ZMAT4: variants seen among roughly 807,000 people sequenced by gnomAD.
The protein encoded by ZMAT4 is zinc finger matrin-type 4, also known as zinc finger matrin-type protein 4.
A neutral mutation model predicts 28.7 loss-of-function variants in ZMAT4; 17 were observed. The observed-to-expected ratio is 0.59, with a 90% CI of 0.41 to 0.89. The LOEUF (loss-of-function observed/expected upper bound fraction) is 0.89, where lower values mean the gene tolerates loss of function less well. ZMAT4 is among the 40% of genes least tolerant of loss of function. The pLI is 0.00. For synonymous variants in ZMAT4, 117 were observed against 109.2 expected, an observed-to-expected ratio of 1.07 and a Z score of -0.44; for missense variants, 240 against 283.8, an observed-to-expected ratio of 0.85 and a Z score of 1.11.
chr8:40,707,080 T>A (rs1463536734), intron 3 of ZMAT4, among the ~76,000 whole-genome samples: 1 of 152,094 alleles, frequency 6.6e-6, no homozygotes, highest in Non-Finnish European at 1.5e-5. Flanking sequence ...CATGGTTCAC[T>A]CCAACTAGAA....
chr8:40,678,215 G>A (rs1015048544), intron 4 of ZMAT4, among the ~76,000 whole-genome samples: 2 of 152,168 alleles, frequency 1.3e-5, no homozygotes, highest in Non-Finnish European at 2.9e-5. Context: ...TTTTGCTGTA[G>A]GCAATAGCCA....
chr8:40,724,136 G>C (rs1811225335), intron 3 of ZMAT4, among the ~76,000 whole-genome samples: 1 of 152,026 alleles, frequency 6.6e-6, no homozygotes, highest in Non-Finnish European at 1.5e-5. Flanking sequence ...ACGTTCCCCA[G>C]TGTTCTCATT....
chr8:40,701,580 C>A (rs59742694), intron 3 of ZMAT4, among the ~76,000 whole-genome samples: 21,937 of 139,304 alleles, frequency 0.16, 2,392 homozygotes, highest in East Asian at 0.37. Flanking sequence ...TGCAGTGTCA[C>A]GATCTCGGCT....
chr8:40,714,438 AAGC>A (rs1446460569), intron 3 of ZMAT4, among the ~76,000 whole-genome samples: 1 of 152,200 alleles, frequency 6.6e-6, no homozygotes, highest in Non-Finnish European at 1.5e-5. Flanking sequence ...CATTAGGAAA[AAGC>A]TATTATTGGA....
At chr8:40,713,941 A>G (rs1289752898) in intron 3 of ZMAT4, among the ~76,000 whole-genome samples, 1 of 149,096 alleles carries the variant, frequency 6.7e-6, no homozygotes, top group Admixed American at 6.7e-5. Flanking sequence ...AAAAAAAAAG[A>G]AAAAGAAAAA....
chr8:40,831,826 G>A (rs1228934844), intron 1 of ZMAT4, among the ~76,000 whole-genome samples: 2 of 152,162 alleles, frequency 1.3e-5, no homozygotes, highest in African/African-American at 4.8e-5. Context: ...GATCCCAACA[G>A]GACCTGGCCC....
chr8:40,610,519 C>T (rs1354936871), intron 5 of ZMAT4, among the ~76,000 whole-genome samples: 5 of 151,546 alleles, frequency 3.3e-5, no homozygotes, highest in Non-Finnish European at 7.4e-5. Flanking sequence ...TATATATTTT[C>T]ATTTCATTTG....
intron 5 of ZMAT4, among the ~76,000 whole-genome samples, chr8:40,587,683 G>A (rs1054940461): frequency 1.3e-5 from 2 of 151,628 alleles, no homozygotes; most frequent in African/African-American, 4.8e-5. Context: ...GCCAAAATAA[G>A]GCAGAAAAGA....
chr8:40,762,787 G>A (rs78566988), intron 3 of ZMAT4, among the ~76,000 whole-genome samples: 2,090 of 152,340 alleles, frequency 0.014, 29 homozygotes, highest in Non-Finnish European at 0.021. Flanking sequence ...TCCAGAGGAA[G>A]GCCCTGCCCA....
chr8:40,761,127 A>G (rs1305614560), intron 3 of ZMAT4, among the ~76,000 whole-genome samples: 2 of 152,180 alleles, frequency 1.3e-5, no homozygotes, highest in South Asian at 4.1e-4. Context: ...AACATATGTC[A>G]TATAGTACTT....
At chr8:40,624,841 C>T (rs1215739770) in intron 5 of ZMAT4, among the ~76,000 whole-genome samples, 2 of 152,322 alleles carry the variant, frequency 1.3e-5, no homozygotes, top group Non-Finnish European at 2.9e-5. Flanking sequence ...GGCACTGATC[C>T]AGCCACTGAG....
intron 4 of ZMAT4, among the ~76,000 whole-genome samples, chr8:40,676,411 T>TA (rs1347003819): frequency 6.6e-6 from 1 of 152,154 alleles, no homozygotes; most frequent in Non-Finnish European, 1.5e-5. Context: ...CCTAAAGCAG[T>TA]ATAGCAGCAT....
chr8:40,756,595 C>T (rs1281293166), intron 3 of ZMAT4, among the ~76,000 whole-genome samples: 2 of 149,938 alleles, frequency 1.3e-5, no homozygotes, highest in African/African-American at 4.9e-5. Context: ...CAATGAAATA[C>T]TCAGCATCTG....
At chr8:40,881,528 CAGAAAGAA>C (rs201960642) in intron 1 of ZMAT4, among the ~76,000 whole-genome samples, 4,946 of 51,304 alleles carry the variant, frequency 0.096, 146 homozygotes, top group South Asian at 0.13. Context: ...GAGAGAGAGA[CAGAAAGAA>C]AGAAAGAAAG....
rs184008930 is a variant in ZMAT4, at chr8:40,711,020, G to A, written c.193-13619C>T. Among the ~76,000 whole-genome samples the A allele has an allele frequency of 1.0e-3, 159 of 152,142 alleles. 1 individual carries two copies. The Middle Eastern group carries it at 0.017, about 16-fold the overall frequency. On this transcript the variant is annotated intron_variant, in intron 3 of 6. Transcript: ENST00000297737. ...AGGATGGTCTCGATCTCTTGACCTC[G>A]TGATCCACCCAGTTTGGCCTCCCAA...
intron 6 of ZMAT4, among the ~76,000 whole-genome samples, chr8:40,546,232 C>T (rs1015651668): frequency 4.0e-5 from 6 of 151,684 alleles, no homozygotes; most frequent in Non-Finnish European, 5.9e-5. Flanking sequence ...ATTTGACTCC[C>T]TCCTGTGTAA....
chr8:40,881,433 G>GAGAGAGAAAGAA (rs1554497923), intron 1 of ZMAT4, among the ~76,000 whole-genome samples: 9 of 70,316 alleles, frequency 1.3e-4, no homozygotes, highest in African/African-American at 4.8e-4. Flanking sequence ...AGAAGAAAGA[G>GAGAGAGAAAGAA]AGAAAGAAAG....
intron 3 of ZMAT4, among the ~76,000 whole-genome samples, chr8:40,726,695 T>C (rs1002877108): frequency 5.9e-5 from 9 of 152,242 alleles, no homozygotes; most frequent in Admixed American, 3.3e-4. Context: ...AATAGTTTTA[T>C]TGGCACACAG....
At chr8:40,630,109 A>C (rs1806521190) in intron 5 of ZMAT4, among the ~76,000 whole-genome samples, 1 of 152,156 alleles carries the variant, frequency 6.6e-6, no homozygotes, top group Admixed American at 6.5e-5. Flanking sequence ...TAGTTCCTCT[A>C]CCTGAAATGT....
Sources: allele counts gnomAD v4.1 joint callset (sites outside exome capture counted in the v4.1 genomes callset), GRCh38; gene constraint gnomAD v4.1.1; transcripts MANE v1.5; gene names NCBI Gene and HGNC (gene_info 2026-07-23, HGNC 2026-07-21).